The following NEO1 variants were observed in gnomAD, a reference collection of about 807,000 sequenced individuals.
NEO1 encodes neogenin 1, also known as neogenin.
A neutral mutation model predicts 159.7 loss-of-function variants in NEO1; 63 were observed. That is an observed-to-expected ratio of 0.39 (90% CI 0.32 to 0.49). The LOEUF (loss-of-function observed/expected upper bound fraction) is 0.49, where lower values mean the gene tolerates loss of function less well. Ranked by LOEUF, NEO1 falls within the 20% of genes least tolerant of loss-of-function variation. The pLI is 0.85. For missense variants in NEO1, 1,615 were observed against 1,831.0 expected (o/e 0.88, Z 2.15); for synonymous variants, 633 against 662.0 (o/e 0.96, Z 0.67).
chr15:73,174,730 C>T (rs1023766248), intron 5 of NEO1, among the ~76,000 whole-genome samples: 7 of 152,016 alleles, frequency 4.6e-5, no homozygotes, highest in African/African-American at 1.7e-4. Flanking sequence ...ACCAAAAGCT[C>T]TTATATATAG....
At chr15:73,184,228 T>C (rs2035788144) in intron 7 of NEO1, among the ~76,000 whole-genome samples, 1 of 152,176 alleles carries the variant, frequency 6.6e-6, no homozygotes, top group East Asian at 1.9e-4. Context: ...CGATCTCAGC[T>C]CACTGCAGCC....
chr15:73,157,443 A>C (rs1485309615), intron 5 of NEO1, among the ~76,000 whole-genome samples: 1 of 152,188 alleles, frequency 6.6e-6, no homozygotes, highest in Non-Finnish European at 1.5e-5. Context: ...TTCCTTGTCC[A>C]GTCACTCCCC....
At chr15:73,167,410 G>A (rs1244442558) in intron 5 of NEO1, among the ~76,000 whole-genome samples, 2 of 152,164 alleles carry the variant, frequency 1.3e-5, no homozygotes, top group African/African-American at 4.8e-5. Context: ...CTCAGGGCCA[G>A]CTAGGTGCCT....
Position 73,178,385 on chromosome 15 carries a change from G to A in NEO1, c.1249G>A (p.Gly417Arg). 6.2e-7 allele frequency: 1 copy of A among 1,613,732 alleles called. No individual in the cohort carries two copies. The highest frequency in any genetic ancestry group is 8.5e-7 in the Non-Finnish European group (1 of 1,179,814). ...TCAGTGCATTGCTGAAAATGATGTT[G>A]GAAATGCACAAGCTGGAGCCCAACT... is the stretch of plus-strand genomic sequence containing the variant. ...FYQCIAENDV[G>R]NAQAGAQLII... Residue 417 changes from glycine to arginine, a missense_variant, in exon 7 of 29, where the codon GGA (glycine) becomes AGA (arginine). Coordinates refer to ENST00000261908, the MANE Select transcript of NEO1 (RefSeq NM_002499.4).
At chr15:73,061,246 A>G (rs1451058659) in intron 1 of NEO1, among the ~76,000 whole-genome samples, 6 of 152,218 alleles carry the variant, frequency 3.9e-5, no homozygotes, top group African/African-American at 1.4e-4. Context: ...AAATAAGCGT[A>G]AGAACACAGA....
chr15:73,129,995 G>A (rs954335550), intron 4 of NEO1, among the ~76,000 whole-genome samples: 1 of 152,088 alleles, frequency 6.6e-6, no homozygotes, highest in Non-Finnish European at 1.5e-5. Context: ...ATAATTGTTA[G>A]TTCTTTTTTT....
chr15:73,232,009 G>A (rs2038935448), intron 7 of NEO1, among the ~76,000 whole-genome samples: 1 of 152,132 alleles, frequency 6.6e-6, no homozygotes, highest in Non-Finnish European at 1.5e-5. Flanking sequence ...GTTAAATCCA[G>A]TATCTGAGGA....
At chr15:73,080,925 TAACTG>T (rs1336722037) in intron 1 of NEO1, among the ~76,000 whole-genome samples, 1 of 152,204 alleles carries the variant, frequency 6.6e-6, no homozygotes, top group Non-Finnish European at 1.5e-5. Context: ...CATTTTAAAA[TAACTG>T]AAGAGTCATT....
chr15:73,167,289 AG>A (rs918909357), intron 5 of NEO1, among the ~76,000 whole-genome samples: 2 of 147,592 alleles, frequency 1.4e-5, no homozygotes, highest in African/African-American at 2.4e-5. Context: ...AAAAAAAAAA[AG>A]ATGTTGCCTT....
chr15:73,098,782 T>G (rs1327868407), intron 1 of NEO1, among the ~76,000 whole-genome samples: 1 of 152,190 alleles, frequency 6.6e-6, no homozygotes, highest in African/African-American at 2.4e-5. Flanking sequence ...GACATGGGAT[T>G]GCTAGGTAAA....
intron 1 of NEO1, among the ~76,000 whole-genome samples, chr15:73,096,704 G>A (rs1292327596): frequency 1.3e-5 from 2 of 152,088 alleles, no homozygotes; most frequent in Non-Finnish European, 2.9e-5. Context: ...ATCAAGCAAG[G>A]GTGACTTTGT....
At chr15:73,289,067 A>G (rs920060968) in intron 24 of NEO1, 79 bp from the exon 25 acceptor site, 7 of 1,057,874 alleles carry the variant, frequency 6.6e-6, no homozygotes, top group Non-Finnish European at 7.2e-6. Context: ...TGAATCCCCT[A>G]CTAGAAATGT....
intron 7 of NEO1, among the ~76,000 whole-genome samples, chr15:73,184,177 C>T (rs751847886): frequency 2.6e-4 from 39 of 151,800 alleles, no homozygotes; most frequent in Non-Finnish European, 4.3e-4. Context: ...TTTTTTGAGA[C>T]GGAGTTTCAC....
intron 7 of NEO1, among the ~76,000 whole-genome samples, chr15:73,214,327 T>C (rs2037757362): frequency 6.6e-6 from 1 of 152,262 alleles, no homozygotes; most frequent in African/African-American, 2.4e-5. Flanking sequence ...ATTTGGGTTC[T>C]TGGTCATGAA....
rs1426485832 is a variant in NEO1 at position 73,244,981 on chromosome 15, A to AAAAAAAAAAAAC, written c.1606+485_1606+486insAAAAAAAAACAA. ...AAAAAAAAAAAAAAAAAAAAAAAAAAAACAACAGCAAATAGTATAAGACAA... is the reference window on the plus strand; with the variant it reads ...AAAAAAAAAAAAAAAAAAAAAAAAAAAAAAAAAAAAACAACAACAGCAAATAGTATAAGACAA... On this transcript the variant is annotated intron_variant, in intron 9 of 28. Coordinates refer to ENST00000261908, the MANE Select transcript of NEO1 (RefSeq NM_002499.4). Among the ~76,000 whole-genome samples, 14 of 148,204 alleles carry AAAAAAAAAAAAC rather than the reference A, an allele frequency of 9.4e-5. 1 individual carries two copies. Among genetic ancestry groups the AAAAAAAAAAAAC allele is most frequent in the South Asian group, 2.1e-4 (1 of 4,654 alleles).
intron 27 of NEO1, 85 bp from the exon 28 acceptor site, chr15:73,301,236 G>A (rs549752860): frequency 1.3e-5 from 21 of 1,563,944 alleles, no homozygotes; most frequent in South Asian, 5.8e-5. Context: ...CTCTCACCCC[G>A]AAGCAGCACT....
At chr15:73,271,498 A>G (rs2041167161) in intron 18 of NEO1, among the ~76,000 whole-genome samples, 1 of 152,250 alleles carries the variant, frequency 6.6e-6, no homozygotes, top group Admixed American at 6.5e-5. Flanking sequence ...ATAAACGAAC[A>G]GCTTCACTTT....
chr15:73,288,406 G>C lies in NEO1; in HGVS notation c.3504G>C (p.Glu1168Asp), dbSNP rs750505768. ...CTCCAGATCTCTGGATCCATCATGAGAGACTGGAGCTGAAACCCATTGATA... is the reference window on the plus strand; with the variant it reads ...CTCCAGATCTCTGGATCCATCATGACAGACTGGAGCTGAAACCCATTGATA... ...VKPPDLWIHH[E>D]RLELKPIDKS... The change falls in exon 24 of 29, where the codon GAG (glutamate) becomes GAC (aspartate). Residue 1168 changes from glutamate to aspartate, a missense_variant. Coordinates refer to ENST00000261908, the MANE Select transcript of NEO1 (RefSeq NM_002499.4). The C allele has an allele frequency of 1.9e-6, 3 of 1,614,142 alleles. No individual in the cohort carries two copies. The highest frequency in any genetic ancestry group is 1.7e-5 in the Admixed American group (1 of 60,022).
At chr15:73,192,013 A>G (rs1340419917) in intron 7 of NEO1, among the ~76,000 whole-genome samples, 17 of 152,058 alleles carry the variant, frequency 1.1e-4, no homozygotes, top group Non-Finnish European at 4.4e-5. Flanking sequence ...ACAAGCAGAC[A>G]TGATTCTCTG....
Sources: allele counts gnomAD v4.1 joint callset (sites outside exome capture counted in the v4.1 genomes callset), GRCh38; gene constraint gnomAD v4.1.1; transcripts MANE v1.5; gene names NCBI Gene and HGNC (gene_info 2026-07-23, HGNC 2026-07-21).